SYMPK: variants seen among roughly 807,000 people sequenced by gnomAD.
The protein encoded by SYMPK is symplekin scaffold protein, also known as symplekin.
SYMPK carries 49 observed loss-of-function variants against 136.4 expected under a neutral mutation model. The observed-to-expected ratio is 0.36, with a 90% confidence interval of 0.29 to 0.46. The LOEUF (loss-of-function observed/expected upper bound fraction) is 0.46, where lower values mean the gene tolerates loss of function less well. Among genes scored for constraint, SYMPK ranks in the 20% least tolerant of loss-of-function variants. SYMPK has a pLI of 1.00. For missense variants in SYMPK, 1,365 were observed against 1,690.0 expected (o/e 0.81, Z 3.37); for synonymous variants, 766 against 713.0 (o/e 1.07, Z -1.19).
intron 5 of SYMPK, among the ~76,000 whole-genome samples, chr19:45,851,464 C>A (rs1450459798): frequency 6.6e-6 from 1 of 151,688 alleles, no homozygotes; most frequent in African/African-American, 2.4e-5. Context: ...GTAATCCCAG[C>A]TATTCAAGGA....
intron 10 of SYMPK, among the ~76,000 whole-genome samples, chr19:45,836,357 A>G (rs891145859): frequency 1.1e-4 from 16 of 152,084 alleles, no homozygotes; most frequent in Non-Finnish European, 2.4e-4. Flanking sequence ...TATACTGGGC[A>G]CGGTGGCTCA....
chr19:45,820,233 G>A (rs1970856294), intron 22 of SYMPK: 1 of 152,300 alleles, frequency 6.6e-6, no homozygotes, highest in African/African-American at 2.4e-5. Context: ...TGAGCATACT[G>A]TCCTGGGAAT....
rs528499311 is a variant in SYMPK at position 45,854,712 on chromosome 19, C to T, written c.-12-205G>A. 426 of 552,194 alleles carry T rather than the reference C, an allele frequency of 7.7e-4. 3 individuals are homozygous for T. Among genetic ancestry groups the T allele is most frequent in the Middle Eastern group, 3.9e-3 (8 of 2,036 alleles). The allele number at this position is 552,194 out of a possible 1,614,324, so 34.2% of individuals were successfully genotyped here. A position where few individuals can be genotyped will look rare whatever the true frequency, so the allele number is the denominator to read the frequency against. Reference sequence around the variant, plus strand: ...CACGGGGCCTGTAACTTGGGGGAGACTGACATCTCCCAAGGCAGAGCCAGA... The same window carrying T: ...CACGGGGCCTGTAACTTGGGGGAGATTGACATCTCCCAAGGCAGAGCCAGA... On this transcript the variant is annotated intron_variant, in intron 1 of 26. Transcript: ENST00000245934.
chr19:45,844,492 G>T (rs1971514796), intron 7 of SYMPK, among the ~76,000 whole-genome samples: 1 of 152,056 alleles, frequency 6.6e-6, no homozygotes, highest in Non-Finnish European at 1.5e-5. Flanking sequence ...GGCCAACATG[G>T]TAAAACCCCG....
intron 1 of SYMPK, among the ~76,000 whole-genome samples, chr19:45,860,485 C>CCA (rs201624886): frequency 9.1e-4 from 31 of 34,220 alleles, no homozygotes; most frequent in East Asian, 7.4e-3. Flanking sequence ...GAAAAAAAAC[C>CCA]CACACACACA....
chr19:45,853,019 C>G (rs1379596832), intron 3 of SYMPK, among the ~76,000 whole-genome samples: 2 of 152,212 alleles, frequency 1.3e-5, no homozygotes, highest in Admixed American at 6.5e-5. Context: ...CTGCCAGGCT[C>G]TTTGGAGTAA....
intron 8 of SYMPK, among the ~76,000 whole-genome samples, chr19:45,843,573 G>A (rs1213103780): frequency 2.0e-5 from 3 of 152,128 alleles, no homozygotes; most frequent in East Asian, 3.9e-4. Flanking sequence ...AAAGATTCCT[G>A]TCTAATGTAG....
intron 10 of SYMPK, among the ~76,000 whole-genome samples, chr19:45,837,286 C>A (rs931428891): frequency 6.6e-6 from 1 of 150,980 alleles, no homozygotes; most frequent in Non-Finnish European, 1.5e-5. Flanking sequence ...AACTTCATGG[C>A]AAAACTGAAA....
At chr19:45,859,324 G>A (rs1971906961) in intron 1 of SYMPK, among the ~76,000 whole-genome samples, 1 of 150,440 alleles carries the variant, frequency 6.6e-6, no homozygotes, top group East Asian at 1.9e-4. Flanking sequence ...AGGGCATGGT[G>A]TGGTGGCTCA....
intron 11 of SYMPK, among the ~76,000 whole-genome samples, chr19:45,833,585 C>A (rs916288984): frequency 3.9e-5 from 6 of 152,060 alleles, no homozygotes; most frequent in African/African-American, 1.4e-4. Flanking sequence ...CCAGCCTGGG[C>A]AACAGAGTGA....
At chr19:45,839,586 C>T (rs1276821578) in intron 9 of SYMPK, among the ~76,000 whole-genome samples, 2 of 151,980 alleles carry the variant, frequency 1.3e-5, no homozygotes, top group Admixed American at 6.6e-5. Flanking sequence ...GTGGCTCACA[C>T]CTGTAATCCC....
intron 14 of SYMPK, chr19:45,828,667 G>T (rs2047671054): frequency 4.5e-6 from 2 of 448,864 alleles, no homozygotes; most frequent in Non-Finnish European, 8.2e-6. Context: ...GCCCATGGGT[G>T]AGCACTGTTA....
chr19:45,847,693 G>A (rs914526484), intron 7 of SYMPK, 59 bp downstream of exon 7: 16 of 1,565,914 alleles, frequency 1.0e-5, no homozygotes, highest in African/African-American at 9.4e-5. Context: ...AGGGAGGGGC[G>A]TGAAGGAGAG....
intron 15 of SYMPK, 100 bp from the exon 16 acceptor site, chr19:45,827,723 C>A: frequency 1.5e-5 from 22 of 1,487,744 alleles, no homozygotes; most frequent in Non-Finnish European, 1.9e-5. Context: ...GACAAAAGGG[C>A]CCGGTCCCTC....
Position 45,847,811 on chromosome 19 carries a change from C to A in SYMPK, c.617G>T (p.Arg206Leu), listed in dbSNP as rs181097745. ...GTCCAGGCTGATATCATGCTCCTGGCGTCGGGGTATCTCTGAGTCAGCCAT... is the reference window on the plus strand; with the variant it reads ...GTCCAGGCTGATATCATGCTCCTGGAGTCGGGGTATCTCTGAGTCAGCCAT... ...PRMADSEIPRRQEHDISLDRI... is the reference protein window; with the variant it reads ...PRMADSEIPRLQEHDISLDRI... Residue 206 changes from arginine to leucine, a missense_variant, in exon 7 of 27, where the codon CGC becomes CTC. Arg to Leu is a moderately radical substitution (Grantham distance 102). This residue lies in a region of SYMPK where 237 missense variants were observed against 292.9 expected (regional missense o/e 0.81). Coordinates refer to ENST00000245934, the MANE Select transcript of SYMPK (RefSeq NM_004819.3). 2.2e-5 allele frequency: 36 copies of A among 1,614,046 alleles called. No individual in the cohort carries two copies. In the African/African-American group the frequency reaches 4.0e-4, roughly 18 times the overall value.
chr19:45,825,480 T>C (rs1394499428), intron 17 of SYMPK, 149 bp from the exon 18 acceptor site: 3 of 993,764 alleles, frequency 3.0e-6, no homozygotes, highest in East Asian at 5.5e-5. Flanking sequence ...GGCAGGGAAA[T>C]GGCGGGGACC....
In SYMPK at chr19:45,827,843, C is replaced by T; in HGVS notation, c.2061G>A (p.Glu687=). 1 of 1,614,024 alleles carries T rather than the reference C, an allele frequency of 6.2e-7. No individual in the cohort carries two copies. The highest frequency in any genetic ancestry group is 8.5e-7 in the Non-Finnish European group (1 of 1,180,004). The change falls in exon 15 of 27, where the codon GAG becomes GAA. Residue 687 remains glutamate (E), a synonymous_variant. Transcript: ENST00000245934. ...SALEVVRKYC[E]DESRTYLGMS... ...GACCAGGGCCTGTCCTCACCTCATCCTCGCAGTACTTGCGGACCACCTCCA... is the reference window on the plus strand; with the variant it reads ...GACCAGGGCCTGTCCTCACCTCATCTTCGCAGTACTTGCGGACCACCTCCA...
At chr19:45,828,841 T>C (rs913766083) in intron 14 of SYMPK, 129 bp downstream of exon 14, 1 of 867,832 alleles carries the variant, frequency 1.2e-6, no homozygotes, top group Non-Finnish European at 1.8e-6. Context: ...GAGAGGAGAC[T>C]TGGGATGGGT....
intron 6 of SYMPK, among the ~76,000 whole-genome samples, chr19:45,848,384 A>G (rs1323957048): frequency 1.3e-5 from 2 of 152,202 alleles, no homozygotes; most frequent in African/African-American, 4.8e-5. Flanking sequence ...TCCATAATCA[A>G]TATTTATGTG....
Sources: allele counts gnomAD v4.1 joint callset (sites outside exome capture counted in the v4.1 genomes callset), GRCh38; gene constraint gnomAD v4.1.1; regional missense constraint gnomAD v4.1.1; transcripts MANE v1.5; gene names NCBI Gene and HGNC (gene_info 2026-07-23, HGNC 2026-07-21).